Variants in DGKG observed in about 807,000 individuals in gnomAD.
DGKG encodes the protein diacylglycerol kinase gamma, also known as DAG kinase gamma.
In DGKG, 78 loss-of-function variants were observed where a neutral mutation model predicts 105.3. That is an observed-to-expected ratio of 0.74 (90% CI 0.62 to 0.89). DGKG has a LOEUF of 0.89. Ranked by LOEUF, DGKG falls within the 40% of genes least tolerant of loss-of-function variation. The pLI, the probability that DGKG is intolerant of heterozygous loss-of-function variation, is 0.00. For missense variants in DGKG, 958 were observed against 1,020.1 expected, an observed-to-expected ratio of 0.94 and a Z score of 0.83; for synonymous variants, 346 against 367.1, an observed-to-expected ratio of 0.94 and a Z score of 0.66.
At chr3:186,184,521 TCC>T (rs1274571857) in intron 22 of DGKG, among the ~76,000 whole-genome samples, 6 of 142,868 alleles carry the variant, frequency 4.2e-5, no homozygotes, top group South Asian at 2.2e-4. Flanking sequence ...TGCCTCAGCC[TCC>T]CTTGTAGCTG....
chr3:186,231,917 G>A lies in DGKG; in HGVS notation c.1826+10587C>T, dbSNP rs1472799776. ...CCTGGGTGACAGAGAGAGAGACTCC[G>A]TCTCAAAAAAACAAAAATAAAAACA... is the stretch of plus-strand genomic sequence containing the variant. On this transcript the variant is annotated intron_variant, in intron 20 of 24. Transcript: ENST00000265022. The surrounding 1 kb of genome is among the most constrained non-coding windows in gnomAD (Gnocchi z 4.5). 9.9e-5 allele frequency among the ~76,000 whole-genome samples: 15 copies of A among 152,038 alleles called. No homozygotes were observed. Among genetic ancestry groups the A allele is most frequent in the Admixed American group, 6.6e-4 (10 of 15,260 alleles).
chr3:186,252,328 C>T (rs904881165), intron 18 of DGKG, among the ~76,000 whole-genome samples: 2 of 152,220 alleles, frequency 1.3e-5, no homozygotes, highest in Admixed American at 1.3e-4. Flanking sequence ...TGACACTGCC[C>T]ACCAAGCATA....
chr3:186,170,551 T>G (rs1716770443), intron 22 of DGKG, among the ~76,000 whole-genome samples: 1 of 152,114 alleles, frequency 6.6e-6, no homozygotes, highest in Non-Finnish European at 1.5e-5. Flanking sequence ...GAAGTTGGAG[T>G]GAAGAAGAAT....
At chr3:186,290,850 A>C (rs1723281408) in intron 5 of DGKG, among the ~76,000 whole-genome samples, 1 of 152,202 alleles carries the variant, frequency 6.6e-6, no homozygotes, top group Admixed American at 6.5e-5. Context: ...TAATTAGCAC[A>C]CTTGTGGAAG....
chr3:186,257,459 A>C (rs1287529701), intron 17 of DGKG, among the ~76,000 whole-genome samples: 7 of 152,136 alleles, frequency 4.6e-5, no homozygotes, highest in Non-Finnish European at 1.0e-4. Context: ...CCGGGTGTTC[A>C]TCTCAAGGTG....
At chr3:186,320,124 G>A (rs974876400) in intron 2 of DGKG, among the ~76,000 whole-genome samples, 4 of 152,194 alleles carry the variant, frequency 2.6e-5, no homozygotes, top group African/African-American at 9.6e-5. Flanking sequence ...GCTCTAAGAT[G>A]TTTGCAGTGT....
chr3:186,170,494 T>C (rs937848867), intron 22 of DGKG, among the ~76,000 whole-genome samples: 1 of 152,164 alleles, frequency 6.6e-6, no homozygotes, highest in Admixed American at 6.5e-5. Context: ...CGTACTTAAG[T>C]TTGAGAACTT....
At chr3:186,330,803 C>A (rs1489990849) in intron 1 of DGKG, among the ~76,000 whole-genome samples, 1 of 152,210 alleles carries the variant, frequency 6.6e-6, no homozygotes, top group Non-Finnish European at 1.5e-5. Flanking sequence ...AGACATCACA[C>A]GTGGAGCAGA....
rs574735176 is a variant in DGKG at position 186,341,719 on chromosome 3, A to T, written c.-249+20227T>A. 2.6e-5 allele frequency among the ~76,000 whole-genome samples: 4 copies of T among 152,274 alleles called. No individual in the cohort carries two copies. In the South Asian group the frequency reaches 8.3e-4, roughly 32 times the overall value. Reference sequence around the variant, plus strand: ...TTGATATAAAGACACATGCACACGTATGTTTACTGCAGCATTATTCACAAT... The same window carrying T: ...TTGATATAAAGACACATGCACACGTTTGTTTACTGCAGCATTATTCACAAT... On this transcript the variant is annotated intron_variant, in intron 1 of 24. Coordinates refer to ENST00000265022, the MANE Select transcript of DGKG (RefSeq NM_001346.3).
Position 186,280,709 on chromosome 3 carries a change from A to G in DGKG, c.630T>C (p.Ile210=). The G allele has an allele frequency of 6.2e-7, 1 of 1,614,152 alleles. No individual in the cohort carries two copies. The highest frequency in any genetic ancestry group is 8.5e-7 in the Non-Finnish European group (1 of 1,180,002). The change falls in exon 8 of 25, where the codon ATT becomes ATC. Residue 210 remains isoleucine (I), a synonymous_variant. Transcript: ENST00000265022. ...MDCIVNQMLH[I]AQYLEWDPTE... is the part of the protein sequence containing the mutation. ...TGGGATCCCACTCCAGGTACTGGGC[A>G]ATATGCAGCATTTGGTTGACAATGC...
chr3:186,314,172 T>TGC (rs1387913788), intron 2 of DGKG, among the ~76,000 whole-genome samples: 2 of 113,376 alleles, frequency 1.8e-5, no homozygotes, highest in African/African-American at 8.1e-5. Context: ...TATACATATC[T>TGC]GCACACACAC....
intron 5 of DGKG, among the ~76,000 whole-genome samples, chr3:186,294,087 C>T (rs1172135504): frequency 6.6e-6 from 1 of 152,200 alleles, no homozygotes; most frequent in Admixed American, 6.5e-5. Flanking sequence ...ATCACTTCTC[C>T]AGGAGGAAAT....
chr3:186,288,595 C>A (rs574326202), intron 6 of DGKG, 115 bp downstream of exon 6: 14 of 1,106,224 alleles, frequency 1.3e-5, no homozygotes, highest in African/African-American at 3.2e-5. Flanking sequence ...CCCAAAGAGG[C>A]GGGACGCATA....
chr3:186,276,982 T>C (rs1212686183), intron 9 of DGKG, among the ~76,000 whole-genome samples: 1 of 152,220 alleles, frequency 6.6e-6, no homozygotes, highest in African/African-American at 2.4e-5. Flanking sequence ...CTTTTCCAAA[T>C]GCTGGCTTTC....
rs1354480696 is a variant in DGKG, at chr3:186,361,303, G to A, written c.-249+643C>T. On this transcript the variant is annotated intron_variant, in intron 1 of 24. Transcript: ENST00000265022. The surrounding 1 kb of genome is among the most constrained non-coding windows in gnomAD (Gnocchi z 6.8). ...AGGTGGACCGGTGGAGTCTGCGAAAGCACCACAGGTGACTCCGGGTACGCA... is the reference window on the plus strand; with the variant it reads ...AGGTGGACCGGTGGAGTCTGCGAAAACACCACAGGTGACTCCGGGTACGCA... Among the ~76,000 whole-genome samples, 1 of 152,190 alleles carries A rather than the reference G, an allele frequency of 6.6e-6. No homozygotes were observed. Among genetic ancestry groups the A allele is most frequent in the Non-Finnish European group, 1.5e-5 (1 of 68,028 alleles).
intron 7 of DGKG, among the ~76,000 whole-genome samples, chr3:186,283,772 T>C (rs1356444706): frequency 6.6e-6 from 1 of 152,234 alleles, no homozygotes; most frequent in Non-Finnish European, 1.5e-5. Context: ...TTTCCTCAAA[T>C]GACCCAACCC....
At chr3:186,175,362 G>C (rs144916042) in intron 22 of DGKG, among the ~76,000 whole-genome samples, 243 of 152,306 alleles carry the variant, frequency 1.6e-3, no homozygotes, top group African/African-American at 5.7e-3. Flanking sequence ...CTGAAAACCT[G>C]CTCGTGTGGT....
chr3:186,319,277 C>A (rs77930108), intron 2 of DGKG, among the ~76,000 whole-genome samples: 9,224 of 152,154 alleles, frequency 0.061, 347 homozygotes, highest in East Asian at 0.1. Context: ...CTGGAAGGGA[C>A]CGCAGGGAGA....
rs114232414 is a variant in DGKG at position 186,242,326 on chromosome 3, G to A, written c.1826+178C>T. ...GGGAGAGGACAGGCAGTTAGCCTGCGCCAAGTTTCTGACACTTTTTTTTTT... is the reference window on the plus strand; with the variant it reads ...GGGAGAGGACAGGCAGTTAGCCTGCACCAAGTTTCTGACACTTTTTTTTTT... On this transcript the variant is annotated intron_variant, in intron 20 of 24. Coordinates refer to ENST00000265022, the MANE Select transcript of DGKG (RefSeq NM_001346.3). Among the ~76,000 whole-genome samples the A allele has an allele frequency of 3.8e-3, 571 of 151,926 alleles. 4 individuals carry two copies. The highest frequency in any genetic ancestry group is 0.013 in the African/African-American group (547 of 41,442).
Sources: gnomAD v4.1 joint callset for allele counts (sites outside exome capture counted in the v4.1 genomes callset) on GRCh38, gnomAD v4.1.1 for gene constraint, Gnocchi (gnomAD v3.1) non-coding constraint, MANE v1.5 for transcripts, NCBI Gene and HGNC (gene_info 2026-07-23, HGNC 2026-07-21) for gene names.